Variants in SPIN1 observed in about 807,000 individuals in gnomAD.
SPIN1 encodes spindlin-1.
Under a neutral mutation model 26.0 loss-of-function variants are expected in SPIN1, and 3 were observed. The ratio of observed to expected loss-of-function variants is 0.12; its 90% CI spans 0.05 to 0.30. The LOEUF (loss-of-function observed/expected upper bound fraction) is 0.30, where lower values mean the gene tolerates loss of function less well. Ranked by LOEUF, SPIN1 falls within the 10% of genes least tolerant of loss-of-function variation. The probability of loss-of-function intolerance (pLI) is 1.00; values close to 1 mark genes in which losing one functional copy is unlikely to be tolerated. For missense variants in SPIN1, 126 were observed against 333.4 expected, an observed-to-expected ratio of 0.38 and a Z score of 4.84; for synonymous variants, 101 against 116.5, an observed-to-expected ratio of 0.87 and a Z score of 0.86.
intron 1 of SPIN1, among the ~76,000 whole-genome samples, chr9:88,424,076 G>C (rs942747184): frequency 6.6e-6 from 1 of 152,070 alleles, no homozygotes; most frequent in African/African-American, 2.4e-5. Flanking sequence ...CCTTTACATC[G>C]TGTGTTGTAT....
intron 1 of SPIN1, 64 bp from the exon 2 acceptor site, chr9:88,426,318 G>C (rs1433167887): frequency 1.0e-5 from 4 of 392,660 alleles, no homozygotes; most frequent in Non-Finnish European, 1.9e-5. Flanking sequence ...TATGTTTAAT[G>C]GCTCACTAGG....
intron 1 of SPIN1, among the ~76,000 whole-genome samples, chr9:88,394,343 T>C (rs1008589679): frequency 6.6e-6 from 1 of 152,180 alleles, no homozygotes; most frequent in East Asian, 1.9e-4. Context: ...ACCGAGTCTT[T>C]CAGCTTGCTT....
rs375734831 is a variant in SPIN1, at chr9:88,459,483, A to G, written c.102-3013A>G. Among the ~76,000 whole-genome samples the G allele has an allele frequency of 5.9e-5, 9 of 152,284 alleles. No individual in the cohort carries two copies. The East Asian group carries it at 1.3e-3, about 23-fold the overall frequency. The stretch of plus-strand genomic sequence containing the variant: ...ATATATTGGTTCCTTACTGTGAACA[A>G]TACTGAATTTAGCTCTTTGTCATCT... On this transcript the variant is annotated intron_variant, in intron 3 of 5. Coordinates refer to ENST00000375859, the MANE Select transcript of SPIN1 (RefSeq NM_006717.3).
intron 3 of SPIN1, among the ~76,000 whole-genome samples, chr9:88,454,858 A>C (rs1828438894): frequency 6.6e-6 from 1 of 152,198 alleles, no homozygotes; most frequent in Non-Finnish European, 1.5e-5. Flanking sequence ...CCACAACTGG[A>C]AAGCTGGACT....
At chr9:88,454,650 C>T (rs981503088) in intron 3 of SPIN1, among the ~76,000 whole-genome samples, 2 of 152,124 alleles carry the variant, frequency 1.3e-5, no homozygotes, top group African/African-American at 4.8e-5. Flanking sequence ...GCATTCTTCA[C>T]CTAGCTTCAA....
At chr9:88,413,447 G>A (rs972526808) in intron 1 of SPIN1, among the ~76,000 whole-genome samples, 3 of 151,590 alleles carry the variant, frequency 2.0e-5, no homozygotes, top group Non-Finnish European at 2.9e-5. Context: ...GCAGTGGTGC[G>A]ATTTTGGCTT....
chr9:88,427,652 C>T (rs554245426), intron 2 of SPIN1, among the ~76,000 whole-genome samples: 18 of 151,542 alleles, frequency 1.2e-4, no homozygotes, highest in South Asian at 2.1e-4. Flanking sequence ...GTCACCCAGG[C>T]GATCTTGGCT....
At chr9:88,474,390 T>C (rs1828848753) in intron 5 of SPIN1, among the ~76,000 whole-genome samples, 1 of 152,230 alleles carries the variant, frequency 6.6e-6, no homozygotes, top group Admixed American at 6.5e-5. Flanking sequence ...TGGGGACCTT[T>C]TAAACAGTAC....
At chr9:88,461,533 C>T (rs1828576411) in intron 3 of SPIN1, among the ~76,000 whole-genome samples, 1 of 152,138 alleles carries the variant, frequency 6.6e-6, no homozygotes, top group African/African-American at 2.4e-5. Flanking sequence ...GCTGTTACAA[C>T]CTACAATAAA....
chr9:88,390,997 C>T (rs1274181544), intron 1 of SPIN1, among the ~76,000 whole-genome samples: 1 of 152,124 alleles, frequency 6.6e-6, no homozygotes, highest in African/African-American at 2.4e-5. Flanking sequence ...TAATTATGCT[C>T]TTGCCAAACT....
intron 2 of SPIN1, among the ~76,000 whole-genome samples, chr9:88,435,855 G>C (rs1429155125): frequency 6.6e-6 from 1 of 151,964 alleles, no homozygotes; most frequent in Non-Finnish European, 1.5e-5. Context: ...GGAACCTTCT[G>C]CTCTTCTAGG....
At chr9:88,396,759 A>G (rs1827069715) in intron 1 of SPIN1, among the ~76,000 whole-genome samples, 3 of 152,204 alleles carry the variant, frequency 2.0e-5, no homozygotes, top group African/African-American at 2.4e-5. Context: ...TACCTCATAG[A>G]GTATACTTAC....
At chr9:88,407,465 G>C (rs1827334823) in intron 1 of SPIN1, among the ~76,000 whole-genome samples, 2 of 151,386 alleles carry the variant, frequency 1.3e-5, no homozygotes, top group Non-Finnish European at 2.9e-5. Context: ...GGATACTTCT[G>C]ATGTGTACAG....
intron 2 of SPIN1, among the ~76,000 whole-genome samples, chr9:88,441,425 G>C (rs149507031): frequency 2.0e-5 from 3 of 149,058 alleles, no homozygotes; most frequent in Non-Finnish European, 4.4e-5. Flanking sequence ...GCGCGCGCGC[G>C]CGCCCATGTG....
chr9:88,438,962 G>C (rs555014223), intron 2 of SPIN1, among the ~76,000 whole-genome samples: 2 of 152,140 alleles, frequency 1.3e-5, no homozygotes, highest in Admixed American at 6.5e-5. Context: ...TTCATGAGGC[G>C]GTTGACTAGA....
At chr9:88,390,976 A>G (rs1284994971) in intron 1 of SPIN1, among the ~76,000 whole-genome samples, 1 of 152,226 alleles carries the variant, frequency 6.6e-6, no homozygotes, top group Non-Finnish European at 1.5e-5. Context: ...TTTGAAAACC[A>G]GAAAATTTAA....
intron 4 of SPIN1, among the ~76,000 whole-genome samples, chr9:88,463,759 T>G (rs1180573568): frequency 6.6e-6 from 1 of 152,226 alleles, no homozygotes; most frequent in African/African-American, 2.4e-5. Flanking sequence ...AATTTAAATC[T>G]TTATTATTAC....
intron 5 of SPIN1, among the ~76,000 whole-genome samples, chr9:88,470,676 C>A (rs1330080383): frequency 1.3e-5 from 2 of 151,918 alleles, no homozygotes; most frequent in African/African-American, 4.8e-5. Flanking sequence ...CTTACTGCAG[C>A]CTCCGCCTAC....
chr9:88,436,752 G>C (rs1828005802), intron 2 of SPIN1, among the ~76,000 whole-genome samples: 2 of 122,856 alleles, frequency 1.6e-5, no homozygotes, highest in Non-Finnish European at 3.3e-5. Context: ...TTTCCTCTGT[G>C]TCTTTTTTTT....
Sources: allele counts gnomAD v4.1 joint callset (sites outside exome capture counted in the v4.1 genomes callset), GRCh38; gene constraint gnomAD v4.1.1; transcripts MANE v1.5; gene names NCBI Gene and HGNC (gene_info 2026-07-23, HGNC 2026-07-21).